Variants in RNF220 observed in about 807,000 individuals in gnomAD.
The protein encoded by RNF220 is ring finger protein 220.
RNF220 carries 7 observed loss-of-function variants against 67.1 expected under a neutral mutation model. The observed-to-expected ratio is 0.10, with a 90% CI of 0.06 to 0.20. The LOEUF (loss-of-function observed/expected upper bound fraction) is 0.20. Ranked by LOEUF, RNF220 falls within the 10% of genes least tolerant of loss-of-function variation. The pLI is 1.00. For synonymous variants in RNF220, 270 were observed against 283.2 expected, an observed-to-expected ratio of 0.95 and a Z score of 0.47; for missense variants, 565 against 740.3, an observed-to-expected ratio of 0.76 and a Z score of 2.75.
rs533730176 is a variant in RNF220, at chr1:44,645,907, A to G, written c.1445+419A>G. 1.9e-4 allele frequency among the ~76,000 whole-genome samples: 29 copies of G among 152,308 alleles called. No homozygotes were observed. The highest frequency in any genetic ancestry group is 1.9e-4 in the Non-Finnish European group (13 of 68,020). On this transcript the variant is annotated intron_variant, in intron 12 of 14. Transcript: ENST00000361799. The surrounding 1 kb of genome is among the most constrained non-coding windows in gnomAD (Gnocchi z 5.0). ...TGGATTTTAGGCAGGAACATTGGGT[A>G]TCATCACTTCTGGTAGGAATTTTTG...
Position 44,631,886 on chromosome 1 carries a change from A to G in RNF220, c.907-457A>G, listed in dbSNP as rs767863069. On this transcript the variant is annotated intron_variant, in intron 5 of 14. Coordinates refer to ENST00000361799, the MANE Select transcript of RNF220 (RefSeq NM_018150.4). Reference sequence around the variant, plus strand: ...CGGTTGCTACCCGAGTACAAACGGCAGCTTCCTGGTCTCTGTCCGGCCGCC... The same window carrying G: ...CGGTTGCTACCCGAGTACAAACGGCGGCTTCCTGGTCTCTGTCCGGCCGCC... The G allele has an allele frequency of 2.9e-4, 285 of 985,524 alleles. 2 individuals are homozygous for G. Among genetic ancestry groups the G allele is most frequent in the East Asian group, 2.8e-3 (25 of 8,824 alleles). The allele number at this position is 985,524 out of a possible 1,614,324, so 61.0% of individuals were successfully genotyped here.
intron 2 of RNF220, among the ~76,000 whole-genome samples, chr1:44,472,048 C>G (rs1007118606): frequency 3.3e-5 from 5 of 152,106 alleles, no homozygotes; most frequent in African/African-American, 1.2e-4. Context: ...TGTTTCAATA[C>G]TTCATTCCTT....
chr1:44,608,639 T>G (rs547230498), intron 2 of RNF220, among the ~76,000 whole-genome samples: 1 of 152,204 alleles, frequency 6.6e-6, no homozygotes, highest in Non-Finnish European at 1.5e-5. Flanking sequence ...ATAATGATAC[T>G]TGATAGACAG....
At chr1:44,564,934 A>T (rs1264848714) in intron 2 of RNF220, among the ~76,000 whole-genome samples, 1 of 152,118 alleles carries the variant, frequency 6.6e-6, no homozygotes, top group Non-Finnish European at 1.5e-5. Flanking sequence ...ACGATACCTG[A>T]ATCAACTCTA....
intron 2 of RNF220, among the ~76,000 whole-genome samples, chr1:44,586,926 G>A (rs1272060379): frequency 6.6e-6 from 1 of 152,004 alleles, no homozygotes; most frequent in African/African-American, 2.4e-5. Flanking sequence ...CTTTTACATG[G>A]GGTTCTCAGT....
At chr1:44,641,140 A>C in intron 8 of RNF220, among the ~76,000 whole-genome samples, 1 of 152,166 alleles carries the variant, frequency 6.6e-6, no homozygotes, top group African/African-American at 2.4e-5. Context: ...TCATTTCTGC[A>C]CTTAACTCTC....
rs1361819290 is a variant in RNF220, at chr1:44,624,474, A to G, written c.804+1687A>G. Among the ~76,000 whole-genome samples the G allele has an allele frequency of 6.6e-6, 1 of 152,204 alleles. No individual in the cohort carries two copies. Among genetic ancestry groups the G allele is most frequent in the Non-Finnish European group, 1.5e-5 (1 of 68,038 alleles). ...GAAGTCTTAAAACATGTGTCCTGAAACCACAGACACAGGCATACTGACCAT... is the reference window on the plus strand; with the variant it reads ...GAAGTCTTAAAACATGTGTCCTGAAGCCACAGACACAGGCATACTGACCAT... On this transcript the variant is annotated intron_variant, in intron 4 of 14. Transcript: ENST00000361799. The surrounding 1 kb of genome is among the most constrained non-coding windows in gnomAD (Gnocchi z 4.2).
At chr1:44,517,641 T>C (rs189461306) in intron 2 of RNF220, among the ~76,000 whole-genome samples, 7 of 152,368 alleles carry the variant, frequency 4.6e-5, no homozygotes, top group Middle Eastern at 3.4e-3. Flanking sequence ...ACTGTGTTTC[T>C]TTATATTTTT....
At chr1:44,583,807 A>G (rs2378722) in intron 2 of RNF220, among the ~76,000 whole-genome samples, 9,874 of 152,298 alleles carry the variant, frequency 0.065, 412 homozygotes, top group Non-Finnish European at 0.094. Flanking sequence ...TCCAAATTGT[A>G]TCTGACACAG....
At chr1:44,577,610 A>C (rs1350150961) in intron 2 of RNF220, among the ~76,000 whole-genome samples, 1 of 152,252 alleles carries the variant, frequency 6.6e-6, no homozygotes, top group African/African-American at 2.4e-5. Flanking sequence ...AGAAGTGGGA[A>C]ACAGACAATG....
In RNF220 at chr1:44,650,460, A is replaced by C. The variant is rs1573206835; in HGVS notation, c.1630-244A>C. 3.5e-6 allele frequency: 2 copies of C among 567,892 alleles called. No individual in the cohort carries two copies. Among genetic ancestry groups the C allele is most frequent in the Non-Finnish European group, 3.2e-6 (1 of 315,706 alleles). The allele number at this position is 567,892 out of a possible 1,614,324, so 35.2% of individuals were successfully genotyped here. ...GGCTGCGGCTGCCACAGCTGGACCCAGCCTTGTTCTCATTACTGGGGCTCC... is the reference window on the plus strand; with the variant it reads ...GGCTGCGGCTGCCACAGCTGGACCCCGCCTTGTTCTCATTACTGGGGCTCC... On this transcript the variant is annotated intron_variant, in intron 14 of 14. Coordinates refer to ENST00000361799, the MANE Select transcript of RNF220 (RefSeq NM_018150.4). The surrounding 1 kb of genome is among the most constrained non-coding windows in gnomAD (Gnocchi z 4.3).
At chr1:44,612,394 C>T (rs1643351207) in intron 2 of RNF220, among the ~76,000 whole-genome samples, 1 of 152,202 alleles carries the variant, frequency 6.6e-6, no homozygotes, top group South Asian at 2.1e-4. Flanking sequence ...CGTTCAATTG[C>T]CTGATATACT....
At chr1:44,612,480 C>A (rs272547) in intron 2 of RNF220, among the ~76,000 whole-genome samples, 1 of 152,026 alleles carries the variant, frequency 6.6e-6, no homozygotes, top group South Asian at 2.1e-4. Context: ...CACAGCCAAA[C>A]GAAGAATTCC....
At chr1:44,561,842 A>T (rs1572888217) in intron 2 of RNF220, among the ~76,000 whole-genome samples, 1 of 152,120 alleles carries the variant, frequency 6.6e-6, no homozygotes, top group Non-Finnish European at 1.5e-5. Context: ...ACTCGAACTC[A>T]GGAGGTTGAG....
chr1:44,610,183 C>T (rs1276865412), intron 2 of RNF220, among the ~76,000 whole-genome samples: 3 of 152,354 alleles, frequency 2.0e-5, no homozygotes, highest in South Asian at 2.1e-4. Context: ...GTTCCCCCCA[C>T]GCACTCACAC....
At chr1:44,529,896 C>CA (rs57715737) in intron 2 of RNF220, among the ~76,000 whole-genome samples, 26,662 of 150,900 alleles carry the variant, frequency 0.18, 2,547 homozygotes, top group African/African-American at 0.25. Flanking sequence ...ACTAAAAATA[C>CA]AAAAAAAATT....
intron 2 of RNF220, among the ~76,000 whole-genome samples, chr1:44,488,852 C>T (rs919946667): frequency 6.6e-6 from 1 of 151,154 alleles, no homozygotes; most frequent in Admixed American, 6.6e-5. Context: ...GCCTCAGCCT[C>T]CCAAGTAGCT....
chr1:44,651,006 A>G lies in RNF220; in HGVS notation c.*231A>G, dbSNP rs1644775254. On this transcript the variant is annotated 3_prime_UTR_variant, in exon 15 of 15. Coordinates refer to ENST00000361799, the MANE Select transcript of RNF220 (RefSeq NM_018150.4). Reference sequence around the variant, plus strand: ...GGCTCCCACCTATGGTTTGGGGGCCATACCTGTTCCAGCTCTGTTCCCAGG... The same window carrying G: ...GGCTCCCACCTATGGTTTGGGGGCCGTACCTGTTCCAGCTCTGTTCCCAGG... The G allele has an allele frequency of 1.9e-6, 1 of 525,514 alleles. No individual in the cohort carries two copies. Among genetic ancestry groups the G allele is most frequent in the Non-Finnish European group, 3.5e-6 (1 of 283,690 alleles). 32.6% of individuals were successfully genotyped at this position (525,514 alleles called of 1,614,324 possible). A position where few individuals can be genotyped will look rare whatever the true frequency, so the allele number is the denominator to read the frequency against.
chr1:44,518,533 G>A (rs1228124749), intron 2 of RNF220, among the ~76,000 whole-genome samples: 4 of 152,086 alleles, frequency 2.6e-5, no homozygotes, highest in Admixed American at 1.3e-4. Context: ...CCATCAGGCA[G>A]TGCATGGTAT....
Sources: gnomAD v4.1 joint callset for allele counts (sites outside exome capture counted in the v4.1 genomes callset) on GRCh38, gnomAD v4.1.1 for gene constraint, Gnocchi (gnomAD v3.1) non-coding constraint, MANE v1.5 for transcripts, NCBI Gene and HGNC (gene_info 2026-07-23, HGNC 2026-07-21) for gene names.